AGBL1: variants seen among roughly 807,000 people sequenced by gnomAD.
AGBL1 encodes cytosolic carboxypeptidase 4.
AGBL1 carries 130 observed loss-of-function variants against 118.9 expected under a neutral mutation model. That is an observed-to-expected ratio of 1.09 (90% CI 0.95 to 1.26). AGBL1 has a LOEUF of 1.26. AGBL1 is among the 50% of genes most tolerant of loss of function. The pLI is 0.00. For synonymous variants in AGBL1, 555 were observed against 478.9 expected, an observed-to-expected ratio of 1.16 and a Z score of -2.08; for missense variants, 1,584 against 1,298.1, an observed-to-expected ratio of 1.22 and a Z score of -3.38.
chr15:86,719,991 A>G (rs987439192), intron 22 of AGBL1, among the ~76,000 whole-genome samples: 1 of 152,118 alleles, frequency 6.6e-6, no homozygotes, highest in African/African-American at 2.4e-5. Context: ...TAGTCACAAA[A>G]TGTTGGGCTG....
At chr15:86,324,835 G>A (rs2080161804) in intron 17 of AGBL1, among the ~76,000 whole-genome samples, 1 of 152,172 alleles carries the variant, frequency 6.6e-6, no homozygotes, top group South Asian at 2.1e-4. Context: ...TGAGTGAAGT[G>A]GGGCCGAGTT....
chr15:86,120,918 A>T (rs1398166756), intron 1 of AGBL1, among the ~76,000 whole-genome samples: 2 of 146,224 alleles, frequency 1.4e-5, no homozygotes, highest in African/African-American at 5.1e-5. Flanking sequence ...TTTTTTTAAG[A>T]TGGAGTCCCG....
chr15:87,022,896 G>A (rs2081680427), intron 24 of AGBL1, among the ~76,000 whole-genome samples: 1 of 151,936 alleles, frequency 6.6e-6, no homozygotes, highest in Non-Finnish European at 1.5e-5. Context: ...GTCTTTTTCA[G>A]GCAAACAAAT....
chr15:86,325,429 C>T (rs2080169481), intron 17 of AGBL1, among the ~76,000 whole-genome samples: 2 of 152,068 alleles, frequency 1.3e-5, no homozygotes, highest in South Asian at 4.2e-4. Context: ...AGAGAACAGC[C>T]TGGAGTTGGG....
At chr15:86,318,336 C>T (rs1053986396) in intron 17 of AGBL1, among the ~76,000 whole-genome samples, 3 of 152,148 alleles carry the variant, frequency 2.0e-5, no homozygotes, top group Non-Finnish European at 4.4e-5. Context: ...TTATCCTTCT[C>T]TTCTCTTCAG....
intron 17 of AGBL1, among the ~76,000 whole-genome samples, chr15:86,364,025 A>G (rs985952811): frequency 1.3e-5 from 2 of 152,020 alleles, no homozygotes; most frequent in African/African-American, 4.8e-5. Context: ...CCCCATCTCT[A>G]TTTTAGTGTG....
At chr15:86,445,465 T>C (rs2082110179) in intron 18 of AGBL1, among the ~76,000 whole-genome samples, 1 of 152,232 alleles carries the variant, frequency 6.6e-6, no homozygotes, top group Non-Finnish European at 1.5e-5. Context: ...CTCTTCCCTA[T>C]GGGGACATAG....
chr15:86,416,282 C>T (rs1338758860), intron 18 of AGBL1, among the ~76,000 whole-genome samples: 1 of 152,136 alleles, frequency 6.6e-6, no homozygotes, highest in African/African-American at 2.4e-5. Context: ...AATATAATGT[C>T]AAGAGATTTG....
At chr15:86,370,147 A>C (rs561707702) in intron 17 of AGBL1, among the ~76,000 whole-genome samples, 1 of 152,200 alleles carries the variant, frequency 6.6e-6, no homozygotes. Context: ...AAAACATTAC[A>C]TATAAAAACA....
At chr15:86,813,151 A>G (rs1031113341) in intron 22 of AGBL1, among the ~76,000 whole-genome samples, 1 of 152,006 alleles carries the variant, frequency 6.6e-6, no homozygotes, top group Admixed American at 6.5e-5. Flanking sequence ...AGCCTCGAAC[A>G]CATGGGACCT....
chr15:86,632,011 G>A (rs932977165), intron 21 of AGBL1, among the ~76,000 whole-genome samples: 2 of 148,924 alleles, frequency 1.3e-5, no homozygotes, highest in African/African-American at 2.5e-5. Flanking sequence ...GCAAGCCTAG[G>A]GAGACCCTAT....
intron 22 of AGBL1, among the ~76,000 whole-genome samples, chr15:86,779,191 T>C (rs2078298340): frequency 6.6e-6 from 1 of 152,164 alleles, no homozygotes; most frequent in Non-Finnish European, 1.5e-5. Flanking sequence ...AAATGTGATA[T>C]GAATGGGATG....
intron 5 of AGBL1, among the ~76,000 whole-genome samples, chr15:86,216,905 G>T (rs529961455): frequency 6.6e-6 from 1 of 152,236 alleles, no homozygotes; most frequent in East Asian, 1.9e-4. Flanking sequence ...CCTTGAACAG[G>T]TCAGGGCTAT....
At chr15:86,928,875 A>ATT (rs149803559) in intron 23 of AGBL1, among the ~76,000 whole-genome samples, 1 of 151,236 alleles carries the variant, frequency 6.6e-6, no homozygotes, top group Non-Finnish European at 1.5e-5. Context: ...CATTTTAATA[A>ATT]TTTATTTTTT....
At chr15:86,902,034 T>A (rs1177539690) in intron 22 of AGBL1, among the ~76,000 whole-genome samples, 2 of 152,200 alleles carry the variant, frequency 1.3e-5, no homozygotes, top group African/African-American at 4.8e-5. Flanking sequence ...CATTTTGATG[T>A]TTCCAGGTTT....
chr15:86,316,677 G>C (rs1232126355), intron 17 of AGBL1: 1 of 152,132 alleles, frequency 6.6e-6, no homozygotes, highest in African/African-American at 2.4e-5. Flanking sequence ...TCATGGTAAG[G>C]GAAAAATGGG....
At chr15:86,891,890 A>G (rs186334510) in intron 22 of AGBL1, among the ~76,000 whole-genome samples, 4 of 152,310 alleles carry the variant, frequency 2.6e-5, no homozygotes, top group African/African-American at 9.6e-5. Flanking sequence ...GTGGAGTTTC[A>G]TCAACTAATT....
intron 22 of AGBL1, among the ~76,000 whole-genome samples, chr15:86,677,250 G>T (rs980783270): frequency 1.3e-5 from 2 of 152,182 alleles, no homozygotes; most frequent in Non-Finnish European, 2.9e-5. Context: ...GAAGAGCAGA[G>T]ATAGCGGATG....
chr15:86,275,874 A>G (rs376632132), intron 15 of AGBL1, among the ~76,000 whole-genome samples: 87 of 152,344 alleles, frequency 5.7e-4, no homozygotes, highest in African/African-American at 2.0e-3. Flanking sequence ...TCCACCACTC[A>G]TTAATGGCGT....
Sources: gnomAD v4.1 joint callset for allele counts (sites outside exome capture counted in the v4.1 genomes callset) on GRCh38, gnomAD v4.1.1 for gene constraint, MANE v1.5 for transcripts, NCBI Gene and HGNC (gene_info 2026-07-23, HGNC 2026-07-21) for gene names.